Variants in DNAJC5B observed in about 807,000 individuals in gnomAD.
DNAJC5B encodes DnaJ heat shock protein family (Hsp40) member C5 beta, also known as dnaJ homolog subfamily C member 5B.
A neutral mutation model predicts 24.7 loss-of-function variants in DNAJC5B; 23 were observed. The ratio of observed to expected loss-of-function variants is 0.93; its 90% CI spans 0.67 to 1.32. The LOEUF (loss-of-function observed/expected upper bound fraction) is 1.32, where lower values mean the gene tolerates loss of function less well. Among genes scored for constraint, DNAJC5B ranks in the 40% most tolerant of loss-of-function variants. DNAJC5B has a pLI of 0.00. For missense variants in DNAJC5B, 238 were observed against 240.8 expected (o/e 0.99, Z 0.08); for synonymous variants, 101 against 90.1 (o/e 1.12, Z -0.68).
intron 1 of DNAJC5B, among the ~76,000 whole-genome samples, chr8:66,039,346 CT>C (rs59355860): frequency 0.058 from 7,513 of 130,552 alleles, 511 homozygotes; most frequent in African/African-American, 0.19. Flanking sequence ...CCACTTCATA[CT>C]TTTTTTTTTT....
At chr8:66,019,533 T>C (rs902993211), upstream of DNAJC5B, among the ~76,000 whole-genome samples, 16 of 152,252 alleles carry the variant, frequency 1.1e-4, 1 homozygote, top group Admixed American at 9.8e-4. Flanking sequence ...TTTCATTGTA[T>C]TTGTTTTTAT....
Position 66,043,573 on chromosome 8 carries a change from T to C in DNAJC5B, c.-56T>C, listed in dbSNP as rs1038766258. On this transcript the variant is annotated 5_prime_UTR_variant, in exon 2 of 6. An upstream start codon of the reference 5' UTR is lost. Coordinates refer to ENST00000276570, the MANE Select transcript of DNAJC5B (RefSeq NM_033105.6). ...CTTAACCCTGCATGGGGGGGAAGGA[T>C]GGAAAGGAGCAGCTGTTTGCTTTGA... The C allele has an allele frequency of 1.3e-5, 2 of 152,182 alleles. No homozygotes were observed. The highest frequency in any genetic ancestry group is 2.9e-5 in the Non-Finnish European group (2 of 68,046). 9.4% of individuals were successfully genotyped at this position (152,182 alleles called of 1,614,324 possible). A position where few individuals can be genotyped will look rare whatever the true frequency, so the allele number is the denominator to read the frequency against.
intron 3 of DNAJC5B, among the ~76,000 whole-genome samples, chr8:66,063,580 G>A (rs1807128335): frequency 6.6e-6 from 1 of 152,108 alleles, no homozygotes; most frequent in South Asian, 2.1e-4. Context: ...TCTTCCGGTG[G>A]GCTGCATAAC....
chr8:66,044,040 C>G (rs1473836848), intron 2 of DNAJC5B, among the ~76,000 whole-genome samples: 2 of 152,044 alleles, frequency 1.3e-5, no homozygotes, highest in Non-Finnish European at 2.9e-5. Context: ...CCAGGCTGGT[C>G]TGGAACTCCT....
At chr8:66,098,008 C>A (rs1232967924) in intron 5 of DNAJC5B, among the ~76,000 whole-genome samples, 1 of 151,902 alleles carries the variant, frequency 6.6e-6, no homozygotes, top group African/African-American at 2.4e-5. Flanking sequence ...TGCCACCAGG[C>A]CTGGCTAATC....
At chr8:66,016,755 T>C (rs1805964123), upstream of DNAJC5B, among the ~76,000 whole-genome samples, 1 of 152,190 alleles carries the variant, frequency 6.6e-6, no homozygotes, top group Non-Finnish European at 1.5e-5. Context: ...TTTCTGCAAT[T>C]GTGACTATTT....
intron 4 of DNAJC5B, among the ~76,000 whole-genome samples, chr8:66,078,229 G>A (rs1411074864): frequency 6.6e-6 from 1 of 152,174 alleles, no homozygotes. Flanking sequence ...CCAGTAGTGT[G>A]AGAGATATGC....
At chr8:66,080,616 G>A (rs536367236) in intron 5 of DNAJC5B, 68 bp downstream of exon 5, 170 of 1,383,256 alleles carry the variant, frequency 1.2e-4, no homozygotes, top group Non-Finnish European at 1.5e-4. Flanking sequence ...CAGGTCCCAC[G>A]GGGACAGCTA....
At position 66,071,298 on chromosome 8, in the gene DNAJC5B, C is replaced by A. The variant is rs535698956; in HGVS notation, c.120-5362C>A. Among the ~76,000 whole-genome samples the A allele has an allele frequency of 4.7e-4, 72 of 152,250 alleles. No individual in the cohort carries two copies. In the Middle Eastern group the frequency reaches 0.01, roughly 22 times the overall value. On this transcript the variant is annotated intron_variant, in intron 3 of 5. Transcript: ENST00000276570. ...TGGGAGAAAATTTTTTGCAATCTATCCATCTGACAAAGGGCTAATATCCAG... is the reference window on the plus strand; with the variant it reads ...TGGGAGAAAATTTTTTGCAATCTATACATCTGACAAAGGGCTAATATCCAG...
Position 66,068,677 on chromosome 8 carries a change from T to C in DNAJC5B, c.120-7983T>C, listed in dbSNP as rs1186561090. On this transcript the variant is annotated intron_variant, in intron 3 of 5. Coordinates refer to ENST00000276570, the MANE Select transcript of DNAJC5B (RefSeq NM_033105.6). ...GTAGAAAGAGAATGAGGAAAAGCCA[T>C]TTGAAAAAACAACATGTCGATTTTC... Among the ~76,000 whole-genome samples, 8 of 152,018 alleles carry C rather than the reference T, an allele frequency of 5.3e-5. No homozygotes were observed. The South Asian group carries it at 1.7e-3, about 32-fold the overall frequency.
At chr8:66,085,271 C>T (rs1218475881) in intron 5 of DNAJC5B, among the ~76,000 whole-genome samples, 1 of 152,106 alleles carries the variant, frequency 6.6e-6, no homozygotes, top group African/African-American at 2.4e-5. Flanking sequence ...GAAACCCTGT[C>T]TCTACTAAAA....
intron 2 of DNAJC5B, among the ~76,000 whole-genome samples, chr8:66,047,094 C>A (rs1183768007): frequency 6.6e-6 from 1 of 152,234 alleles, no homozygotes; most frequent in Non-Finnish European, 1.5e-5. Flanking sequence ...CCAGTGCATT[C>A]TCTTCCTTGA....
intron 1 of DNAJC5B, among the ~76,000 whole-genome samples, chr8:66,035,845 G>A (rs994247807): frequency 1.3e-5 from 2 of 152,160 alleles, no homozygotes; most frequent in African/African-American, 4.8e-5. Context: ...AGGGAAGGTC[G>A]ACTTTTACCT....
intron 3 of DNAJC5B, among the ~76,000 whole-genome samples, chr8:66,063,326 T>C (rs1319684818): frequency 1.3e-5 from 2 of 152,222 alleles, no homozygotes; most frequent in East Asian, 1.9e-4. Context: ...GTGGTGCTTT[T>C]ACCCATCTTT....
intron 1 of DNAJC5B, among the ~76,000 whole-genome samples, chr8:66,041,201 G>T (rs1806600840): frequency 6.6e-6 from 1 of 152,166 alleles, no homozygotes; most frequent in Admixed American, 6.5e-5. Flanking sequence ...ATGATGTAGA[G>T]AGGTACTAAA....
intron 3 of DNAJC5B, among the ~76,000 whole-genome samples, chr8:66,067,861 C>T (rs1377581152): frequency 6.6e-6 from 1 of 152,208 alleles, no homozygotes; most frequent in African/African-American, 2.4e-5. Flanking sequence ...CCACCAAGTT[C>T]TGCTCAATGA....
intron 1 of DNAJC5B, among the ~76,000 whole-genome samples, chr8:66,041,616 A>AT (rs1344356464): frequency 3.9e-5 from 6 of 152,190 alleles, no homozygotes; most frequent in Non-Finnish European, 8.8e-5. Context: ...ATCTTGGAAG[A>AT]TATACTAAGT....
At chr8:66,024,423 ATG>A (rs1491235765) in intron 1 of DNAJC5B, among the ~76,000 whole-genome samples, 8,690 of 117,734 alleles carry the variant, frequency 0.074, 1,007 homozygotes, top group African/African-American at 0.3. Context: ...TTTTTTTTTA[ATG>A]TTTTTTTTTT....
chr8:66,057,021 C>A (rs1806978868), intron 3 of DNAJC5B: 1 of 152,248 alleles, frequency 6.6e-6, no homozygotes, highest in South Asian at 2.1e-4. Flanking sequence ...CGCCTATAGT[C>A]CCAGCTACTC....
Sources: allele counts gnomAD v4.1 joint callset (sites outside exome capture counted in the v4.1 genomes callset), GRCh38; gene constraint gnomAD v4.1.1; transcripts MANE v1.5; gene names NCBI Gene and HGNC (gene_info 2026-07-23, HGNC 2026-07-21).